SBF2: variants seen among roughly 807,000 people sequenced by gnomAD.
SBF2 encodes the protein SET binding factor 2.
SBF2 carries 112 observed loss-of-function variants against 225.2 expected under a neutral mutation model. The ratio of observed to expected loss-of-function variants is 0.50; its 90% CI spans 0.43 to 0.58. SBF2 has a LOEUF of 0.58. Among genes scored for constraint, SBF2 ranks in the 20% least tolerant of loss-of-function variants. The pLI, the probability that SBF2 is intolerant of heterozygous loss-of-function variation, is 0.00. For synonymous variants in SBF2, 763 were observed against 773.3 expected (o/e 0.99, Z 0.22); for missense variants, 1,996 against 2,206.2 (o/e 0.90, Z 1.91).
chr11:10,240,221 G>A (rs1473553057), intron 1 of SBF2, among the ~76,000 whole-genome samples: 2 of 149,632 alleles, frequency 1.3e-5, no homozygotes, highest in Admixed American at 6.7e-5. Flanking sequence ...GGCATAAGTT[G>A]CTGATCATTT....
At chr11:9,948,670 C>A (rs1208010164) in intron 16 of SBF2, among the ~76,000 whole-genome samples, 1 of 152,168 alleles carries the variant, frequency 6.6e-6, no homozygotes, top group African/African-American at 2.4e-5. Flanking sequence ...TCTCTCAGAA[C>A]AGAGCCAGGA....
intron 17 of SBF2, among the ~76,000 whole-genome samples, chr11:9,866,903 A>C (rs949543803): frequency 6.6e-6 from 1 of 152,218 alleles, no homozygotes; most frequent in Non-Finnish European, 1.5e-5. Flanking sequence ...AACAAACAAA[A>C]AAAGGGCAAA....
chr11:10,097,518 A>G (rs1171157660), intron 2 of SBF2, among the ~76,000 whole-genome samples: 1 of 152,142 alleles, frequency 6.6e-6, no homozygotes, highest in Non-Finnish European at 1.5e-5. Flanking sequence ...ATATTCCAAA[A>G]CACATTCTTT....
intron 13 of SBF2, among the ~76,000 whole-genome samples, chr11:9,971,665 T>C (rs1173705519): frequency 6.6e-6 from 1 of 151,826 alleles, no homozygotes; most frequent in Non-Finnish European, 1.5e-5. Context: ...GGTGACAGAG[T>C]GAGACCTTGT....
chr11:9,791,917 T>C (rs1852768203), intron 33 of SBF2, among the ~76,000 whole-genome samples: 1 of 152,210 alleles, frequency 6.6e-6, no homozygotes, highest in Non-Finnish European at 1.5e-5. Flanking sequence ...CATCTTGTAA[T>C]TGGAACCAAG....
intron 2 of SBF2, among the ~76,000 whole-genome samples, chr11:10,125,425 T>C (rs1216777255): frequency 1.3e-5 from 2 of 152,150 alleles, no homozygotes; most frequent in South Asian, 2.1e-4. Context: ...TATTTGGAAA[T>C]AGTTTTAATA....
chr11:9,875,175 G>A lies in SBF2; in HGVS notation c.1930-16779C>T, dbSNP rs565243138. 1.1e-4 allele frequency among the ~76,000 whole-genome samples: 16 copies of A among 152,282 alleles called. 2 individuals are homozygous for A. In the South Asian group the frequency reaches 3.3e-3, roughly 32 times the overall value. ...ACAAAGTTCTCCAAGTATTTGCATG[G>A]TTAAGCCAATAATTATGCCTAGAAT... is the stretch of plus-strand genomic sequence containing the variant. On this transcript the variant is annotated intron_variant, in intron 17 of 39. Coordinates refer to ENST00000256190, the MANE Select transcript of SBF2 (RefSeq NM_030962.4).
chr11:9,847,922 C>T (rs182600369), intron 22 of SBF2, among the ~76,000 whole-genome samples: 223 of 152,160 alleles, frequency 1.5e-3, no homozygotes, highest in African/African-American at 5.2e-3. Context: ...TCTCTGCATG[C>T]TAGCTGGATA....
At chr11:10,174,173 C>T (rs1365379203) in intron 2 of SBF2, among the ~76,000 whole-genome samples, 5 of 152,224 alleles carry the variant, frequency 3.3e-5, no homozygotes, top group East Asian at 3.9e-4. Context: ...ATGACTTTGA[C>T]GAGCTGAGAC....
chr11:9,986,713 T>C (rs995147026), intron 13 of SBF2, among the ~76,000 whole-genome samples: 7 of 152,070 alleles, frequency 4.6e-5, no homozygotes, highest in African/African-American at 1.7e-4. Flanking sequence ...ACAACCCTCC[T>C]AGCTTAAATC....
intron 17 of SBF2, among the ~76,000 whole-genome samples, chr11:9,892,606 C>T (rs1042312727): frequency 1.3e-5 from 2 of 151,194 alleles, no homozygotes; most frequent in African/African-American, 4.9e-5. Flanking sequence ...GTTGCCCAGG[C>T]TGGAGTACAA....
intron 2 of SBF2, among the ~76,000 whole-genome samples, chr11:10,056,672 G>C (rs1950266857): frequency 6.6e-6 from 1 of 152,228 alleles, no homozygotes; most frequent in African/African-American, 2.4e-5. Flanking sequence ...TGCTTTACAT[G>C]AGTGGGTAAT....
At chr11:9,907,221 A>G (rs1175272119) in intron 16 of SBF2, among the ~76,000 whole-genome samples, 1 of 152,148 alleles carries the variant, frequency 6.6e-6, no homozygotes, top group Non-Finnish European at 1.5e-5. Flanking sequence ...TTATAGAATA[A>G]TGACCAAACT....
intron 2 of SBF2, among the ~76,000 whole-genome samples, chr11:10,191,991 A>C (rs1360877345): frequency 6.6e-6 from 1 of 152,128 alleles, no homozygotes; most frequent in East Asian, 1.9e-4. Flanking sequence ...ATACTGTTAA[A>C]TTGGTATAGT....
intron 27 of SBF2, among the ~76,000 whole-genome samples, chr11:9,831,619 G>C (rs1855405786): frequency 6.6e-6 from 1 of 152,162 alleles, no homozygotes; most frequent in Non-Finnish European, 1.5e-5. Context: ...GAAGCTATGA[G>C]AAAGGTCAGC....
At chr11:9,831,766 T>A (rs1855414145) in intron 27 of SBF2, among the ~76,000 whole-genome samples, 2 of 152,194 alleles carry the variant, frequency 1.3e-5, no homozygotes, top group African/African-American at 2.4e-5. Context: ...GCATTTGCAG[T>A]CATTAGTTTG....
At position 9,891,703 on chromosome 11, in the gene SBF2, G is replaced by A. The variant is rs757621414; in HGVS notation, c.1929+4240C>T. Among the ~76,000 whole-genome samples the A allele has an allele frequency of 5.3e-5, 8 of 152,216 alleles. No individual in the cohort carries two copies. In the South Asian group the frequency reaches 8.3e-4, roughly 16 times the overall value. ...GGTACCACCTTCAAAGAAGGCTTCC[G>A]TAAGAGTTAATGAATTACATGTTAC... On this transcript the variant is annotated intron_variant, in intron 17 of 39. Transcript: ENST00000256190.
At chr11:10,057,138 T>A (rs567293212) in intron 2 of SBF2, among the ~76,000 whole-genome samples, 1 of 152,184 alleles carries the variant, frequency 6.6e-6, no homozygotes, top group African/African-American at 2.4e-5. Flanking sequence ...CTGAGGTGAC[T>A]AGAGACTGCA....
At chr11:10,259,658 A>C (rs2135509057) in intron 1 of SBF2, among the ~76,000 whole-genome samples, 1 of 152,326 alleles carries the variant, frequency 6.6e-6, no homozygotes, top group East Asian at 1.9e-4. Context: ...TAACAAAATA[A>C]TTCTTCCAAA....
Sources: gnomAD v4.1 joint callset for allele counts (sites outside exome capture counted in the v4.1 genomes callset) on GRCh38, gnomAD v4.1.1 for gene constraint, MANE v1.5 for transcripts, NCBI Gene and HGNC (gene_info 2026-07-23, HGNC 2026-07-21) for gene names.